GOLPH3L: variants seen among roughly 807,000 people sequenced by gnomAD.
The protein encoded by GOLPH3L is Golgi phosphoprotein 3-like.
GOLPH3L carries 22 observed loss-of-function variants against 30.3 expected under a neutral mutation model. The ratio of observed to expected loss-of-function variants is 0.73; its 90% confidence interval spans 0.52 to 1.04. GOLPH3L has a LOEUF of 1.04. Among genes scored for constraint, GOLPH3L ranks in the 50% least tolerant of loss-of-function variants. GOLPH3L has a pLI of 0.00. For synonymous variants in GOLPH3L, 120 were observed against 128.2 expected (o/e 0.94, Z 0.43); for missense variants, 303 against 345.8 (o/e 0.88, Z 0.98).
At chr1:150,652,586 T>C (rs1011959188) in intron 4 of GOLPH3L, among the ~76,000 whole-genome samples, 2 of 151,980 alleles carry the variant, frequency 1.3e-5, no homozygotes, top group Non-Finnish European at 2.9e-5. Context: ...AGACAGTAAT[T>C]TGAATCCACG....
intron 2 of GOLPH3L, among the ~76,000 whole-genome samples, chr1:150,682,838 C>T (rs1044998205): frequency 6.6e-6 from 1 of 151,906 alleles, no homozygotes; most frequent in African/African-American, 2.4e-5. Flanking sequence ...TTTCTATTTG[C>T]CATTCCTACC....
intron 3 of GOLPH3L, 120 bp from the exon 4 acceptor site, chr1:150,662,048 T>A (rs1650380058): frequency 7.7e-6 from 5 of 653,120 alleles, no homozygotes; most frequent in Non-Finnish European, 1.4e-5. Context: ...AAGCATAATA[T>A]ACTGTCTCTG....
intron 2 of GOLPH3L, among the ~76,000 whole-genome samples, chr1:150,671,669 G>T (rs1157924855): frequency 6.6e-6 from 1 of 151,938 alleles, no homozygotes; most frequent in African/African-American, 2.4e-5. Context: ...GCCGGGTGTG[G>T]TGCCGCATGC....
chr1:150,670,664 C>A (rs974502484), intron 2 of GOLPH3L, among the ~76,000 whole-genome samples: 3 of 152,108 alleles, frequency 2.0e-5, no homozygotes, highest in African/African-American at 7.2e-5. Flanking sequence ...GAATCTTATC[C>A]CCTCTAGAGG....
intron 4 of GOLPH3L, among the ~76,000 whole-genome samples, chr1:150,653,290 T>TTA: frequency 7.8e-6 from 1 of 127,556 alleles, no homozygotes; most frequent in South Asian, 3.3e-4. Flanking sequence ...ATAAATCTTT[T>TTA]TTTTTTTATT....
Position 150,661,925 on chromosome 1 carries a change from G to C in GOLPH3L, c.319C>G (p.Leu107Val). 1 of 1,416,252 alleles carries C rather than the reference G, an allele frequency of 7.1e-7. No individual in the cohort carries two copies. Among genetic ancestry groups the C allele is most frequent in the Non-Finnish European group, 1.0e-6 (1 of 999,628 alleles). 87.7% of individuals were successfully genotyped at this position (1,416,252 alleles called of 1,614,324 possible). A position where few individuals can be genotyped will look rare whatever the true frequency, so the allele number is the denominator to read the frequency against. ...RKKRLLDRKV[L>V]LKSDSPTGDV... ...CCTGTTGGGCTGTCTGACTTTAGCA[G>C]TACCTTTGAGAAAAGGAGAAAGAAG... Residue 107 changes from leucine to valine, a missense_variant, in exon 4 of 5, where the codon CTG (leucine) becomes GTG (valine). Transcript: ENST00000271732.
intron 2 of GOLPH3L, among the ~76,000 whole-genome samples, chr1:150,681,292 T>C (rs1278646006): frequency 6.6e-6 from 1 of 152,162 alleles, no homozygotes; most frequent in Non-Finnish European, 1.5e-5. Flanking sequence ...GGGATTTGAA[T>C]GTAGATGTGT....
chr1:150,657,035 A>T (rs1042717129), intron 4 of GOLPH3L, among the ~76,000 whole-genome samples: 1 of 152,222 alleles, frequency 6.6e-6, no homozygotes, highest in Non-Finnish European at 1.5e-5. Flanking sequence ...TTGTAGCTGT[A>T]ACTGAGGTAC....
At chr1:150,677,152 C>A (rs1244617141) in intron 2 of GOLPH3L, among the ~76,000 whole-genome samples, 1 of 151,476 alleles carries the variant, frequency 6.6e-6, no homozygotes, top group South Asian at 2.1e-4. Context: ...CTCACTGCAA[C>A]CTCTGCCTCC....
At chr1:150,659,996 G>A (rs770315754) in intron 4 of GOLPH3L, among the ~76,000 whole-genome samples, 39 of 151,686 alleles carry the variant, frequency 2.6e-4, no homozygotes, top group Non-Finnish European at 5.2e-4. Flanking sequence ...ATTGCACCAC[G>A]GCACTCCATC....
chr1:150,653,297 T>TG (rs1557779717), intron 4 of GOLPH3L, among the ~76,000 whole-genome samples: 2 of 135,480 alleles, frequency 1.5e-5, no homozygotes, highest in East Asian at 2.1e-4. Flanking sequence ...TTTTTTTTTT[T>TG]ATTTTTTTTT....
rs1388727721 is a variant in GOLPH3L at position 150,696,592 on chromosome 1, A to G, written c.-13+400T>C. On this transcript the variant is annotated intron_variant, in intron 1 of 4. Transcript: ENST00000271732. The stretch of plus-strand genomic sequence containing the variant: ...GTGCATGTGAACATTTAAAATAGAA[A>G]TACAAATGAAGTGAGCTACAAAAGT... Among the ~76,000 whole-genome samples the G allele has an allele frequency of 3.3e-5, 5 of 152,334 alleles. No individual in the cohort carries two copies. The East Asian group carries it at 9.6e-4, about 29-fold the overall frequency.
intron 2 of GOLPH3L, among the ~76,000 whole-genome samples, chr1:150,666,661 C>T (rs587753193): frequency 1.7e-4 from 26 of 152,172 alleles, no homozygotes; most frequent in African/African-American, 6.3e-4. Flanking sequence ...AAAAAATATC[C>T]GGCTTCCTAT....
At position 150,685,874 on chromosome 1, in the gene GOLPH3L, C is replaced by CTTTTT. The variant is rs35375244; in HGVS notation, c.183+8777_183+8781dup. Among the ~76,000 whole-genome samples, 4 of 121,038 alleles carry CTTTTT rather than the reference C, an allele frequency of 3.3e-5. 1 individual carries two copies. The highest frequency in any genetic ancestry group is 4.8e-4 in the East Asian group (2 of 4,144). 79.4% of individuals were successfully genotyped at this position (121,038 alleles called of 152,430 possible). A position where few individuals can be genotyped will look rare whatever the true frequency, so the allele number is the denominator to read the frequency against. ...TGTGAAACTTGCTTTGTAAGTATGTCTTTTTTTTTTTTTTTTTTGAGACAG... is the reference window on the plus strand; with the variant it reads ...TGTGAAACTTGCTTTGTAAGTATGTCTTTTTTTTTTTTTTTTTTTTTTTGAGACAG... On this transcript the variant is annotated intron_variant, in intron 2 of 4. Coordinates refer to ENST00000271732, the MANE Select transcript of GOLPH3L (RefSeq NM_018178.6).
chr1:150,671,806 CAA>C (rs397793655), intron 2 of GOLPH3L, among the ~76,000 whole-genome samples: 5 of 47,174 alleles, frequency 1.1e-4, no homozygotes, highest in South Asian at 9.8e-4. Flanking sequence ...AACTCCGTCT[CAA>C]AAAAAAAAAA....
At chr1:150,690,271 G>A (rs924554322) in intron 2 of GOLPH3L, among the ~76,000 whole-genome samples, 11 of 152,070 alleles carry the variant, frequency 7.2e-5, no homozygotes, top group Non-Finnish European at 4.4e-5. Flanking sequence ...AGGAGCCACC[G>A]TGCCTGCTTG....
chr1:150,676,745 G>A (rs1161111846), intron 2 of GOLPH3L, among the ~76,000 whole-genome samples: 2 of 150,274 alleles, frequency 1.3e-5, no homozygotes, highest in Non-Finnish European at 3.0e-5. Flanking sequence ...CCGGGTTCAA[G>A]CAATTCTCCT....
chr1:150,674,860 C>T (rs1167284728), intron 2 of GOLPH3L, among the ~76,000 whole-genome samples: 1 of 151,782 alleles, frequency 6.6e-6, no homozygotes, highest in Non-Finnish European at 1.5e-5. Context: ...CCACTGCACT[C>T]TAGCCTGGGC....
intron 4 of GOLPH3L, among the ~76,000 whole-genome samples, chr1:150,661,214 C>A (rs899024134): frequency 2.0e-5 from 3 of 152,040 alleles, no homozygotes; most frequent in Admixed American, 1.3e-4. Flanking sequence ...GACGACAGAG[C>A]AAGACTCCAT....
Sources: gnomAD v4.1 joint callset for allele counts (sites outside exome capture counted in the v4.1 genomes callset) on GRCh38, gnomAD v4.1.1 for gene constraint, MANE v1.5 for transcripts, NCBI Gene and HGNC (gene_info 2026-07-23, HGNC 2026-07-21) for gene names.